The following TTN variants were observed in gnomAD, a reference collection of about 807,000 sequenced individuals.
The protein encoded by TTN is titin, also known as connectin.
In TTN, 1,525 loss-of-function variants were observed where a neutral mutation model predicts 3,223.0. The ratio of observed to expected loss-of-function variants is 0.47; its 90% confidence interval spans 0.45 to 0.49. The LOEUF is 0.49. Among genes scored for constraint, TTN ranks in the 20% least tolerant of loss-of-function variants. The probability of loss-of-function intolerance (pLI) is 0.00; values close to 1 mark genes in which losing one functional copy is unlikely to be tolerated. For missense variants in TTN, 40,786 were observed against 43,424.0 expected, an observed-to-expected ratio of 0.94 and a Z score of 5.40; for synonymous variants, 14,094 against 15,161.0, an observed-to-expected ratio of 0.93 and a Z score of 5.17.
chr2:178,764,471 A>G (rs2089999811), intron 42 of TTN, 56 bp downstream of exon 42: 3 of 1,613,260 alleles, frequency 1.9e-6, no homozygotes, highest in Non-Finnish European at 2.5e-6. Flanking sequence ...CTGGGAAAGG[A>G]CAAAAGCCTG....
intron 241 of TTN, 130 bp downstream of exon 241, chr2:178,625,143 A>C (rs191829454): frequency 1.5e-6 from 2 of 1,326,252 alleles, no homozygotes; most frequent in East Asian, 5.3e-5. Context: ...GCTAAAAAGT[A>C]AAATCAGACT....
At position 178,594,060 on chromosome 2, in the gene TTN, C is replaced by T. The variant is rs1418076473; in HGVS notation, c.58333G>A (p.Glu19445Lys). Residue 19445 changes from glutamate to lysine, a missense_variant, in exon 297 of 363, where the codon GAG (glutamate) becomes AAG (lysine). Coordinates refer to ENST00000589042, the MANE Select transcript of TTN (RefSeq NM_001267550.2). ...IKTTPATLALEKIKAKRSDSG... is the reference protein window; with the variant it reads ...IKTTPATLALKKIKAKRSDSG... ...TCTGAACGTTTGGCCTTGATCTTCT[C>T]TAAAGCAAGTGTTGCTGGTGTAGTC... The T allele has an allele frequency of 4.3e-6, 7 of 1,613,522 alleles. No homozygotes were observed. Among genetic ancestry groups the T allele is most frequent in the Non-Finnish European group, 5.9e-6 (7 of 1,179,654 alleles).
Position 178,705,196 on chromosome 2 carries a change from T to A in TTN, c.29582A>T (p.Gln9861Leu). The part of the protein sequence containing the change: ...LQAFELLKQS[Q>L]EEETHRLEIE... ...TACCAGTCTATGTGTCTCTTCTTCT[T>A]GGCTTTGCTTGAGCAGTTCAAATGC... is the stretch of plus-strand genomic sequence containing the variant. The change falls in exon 103 of 363, where the codon CAA (glutamine) becomes CTA (leucine). Residue 9861 changes from glutamine to leucine, a missense_variant. By Grantham distance (113) the Gln-to-Leu change is moderately radical (BLOSUM62 -2). Coordinates refer to ENST00000589042, the MANE Select transcript of TTN (RefSeq NM_001267550.2). 6.2e-7 allele frequency: 1 copy of A among 1,613,564 alleles called. No individual in the cohort carries two copies.
At position 178,740,489 on chromosome 2, in the gene TTN, T is replaced by C. The variant is rs879224470; in HGVS notation, c.12744A>G (p.Gln4248=). ...CCTCTTGCTTTTGAAGAGTCACTCT[T>C]TGCTCTCTGTTGGTGTCAGATACTG... is the stretch of plus-strand genomic sequence containing the variant. ...EKTVSDTNRE[Q]RVTLQKQEAQ... The change falls in exon 48 of 363, where the codon CAA becomes CAG. Residue 4248 remains glutamine, a synonymous_variant. Coordinates refer to ENST00000589042, the MANE Select transcript of TTN (RefSeq NM_001267550.2). 1.9e-6 allele frequency: 3 copies of C among 1,613,696 alleles called. No homozygotes were observed. In the South Asian group the frequency reaches 3.3e-5, roughly 18 times the overall value.
rs779834438 is a variant in TTN at position 178,629,344 on chromosome 2, A to C, written c.44381T>G (p.Val14794Gly). Residue 14794 changes from valine to glycine, a missense_variant, in exon 240 of 363, where the codon GTG (valine) becomes GGG (glycine). By Grantham distance (109) the Val-to-Gly change is moderately radical (BLOSUM62 -3). Coordinates refer to ENST00000589042, the MANE Select transcript of TTN (RefSeq NM_001267550.2). ...DCELSYEDIP[V>G]EWYLKGKKLE... is the part of the protein sequence containing the mutation. ...TTTCTTCCCTTTGAGATACCATTCC[A>C]CTGGGATATCTTCGTAGGAGAGCTC... The C allele has an allele frequency of 2.5e-6, 4 of 1,612,884 alleles. No individual in the cohort carries two copies. In the South Asian group the frequency reaches 4.4e-5, roughly 18 times the overall value.
Position 178,617,435 on chromosome 2 carries a change from G to A in TTN, c.47650C>T (p.Leu15884=). Residue 15884 remains leucine, a synonymous_variant, in exon 254 of 363, where the codon CTG becomes TTG. Transcript: ENST00000589042. ...SSVQLKWEPP[L]KDGGSPILGY... is the part of the protein sequence containing the mutation. ...AATATTGGGCTTCCTCCATCTTTCA[G>A]AGGAGGTTCCCATTTGAGCTGAACT... The A allele has an allele frequency of 6.3e-7, 1 of 1,596,416 alleles. No homozygotes were observed. Among genetic ancestry groups the A allele is most frequent in the Non-Finnish European group, 8.5e-7 (1 of 1,174,548 alleles).
At position 178,533,281 on chromosome 2, in the gene TTN, G is replaced by A. The variant is rs778587344; in HGVS notation, c.103334C>T (p.Thr34445Ile). ...RVTATNTAGS[T>I]SCQAHLQVER... is the part of the protein sequence containing the mutation. ...CACTTGTAGGTGAGCCTGGCAGCTG[G>A]TGGACCCAGCTGTGTTAGTGGCTGT... is the stretch of plus-strand genomic sequence containing the variant. The change falls in exon 358 of 363, where the codon ACC becomes ATC. Residue 34445 changes from threonine to isoleucine, a missense_variant. By Grantham distance (89) the Thr-to-Ile change is moderately conservative. Transcript: ENST00000589042. The A allele has an allele frequency of 1.9e-6, 3 of 1,613,844 alleles. No homozygotes were observed. Among genetic ancestry groups the A allele is most frequent in the Admixed American group, 1.7e-5 (1 of 59,998 alleles).
In TTN at chr2:178,557,314, A is replaced by G. The variant is rs1701891398; in HGVS notation, c.87948T>C (p.Asn29316=). 2.5e-6 allele frequency: 4 copies of G among 1,613,932 alleles called. No individual in the cohort carries two copies. Among genetic ancestry groups the G allele is most frequent in the Non-Finnish European group, 2.5e-6 (3 of 1,179,864 alleles). The change falls in exon 329 of 363, where the codon AAT becomes AAC. Residue 29316 remains asparagine, a synonymous_variant. Transcript: ENST00000589042. The part of the protein sequence containing the change: ...LIYEFRVYAE[N]AAGVGKPSHP... ...GGCTAGGTTTTCCAACTCCAGCAGC[A>G]TTTTCTGCATACACCCTGAATTCAT... is the stretch of plus-strand genomic sequence containing the variant.
chr2:178,613,517 G>A (rs1256434582), intron 263 of TTN, among the ~76,000 whole-genome samples: 1 of 151,706 alleles, frequency 6.6e-6, no homozygotes, highest in African/African-American at 2.4e-5. Flanking sequence ...AATATACTGG[G>A]GGATCAAACA....
At position 178,751,146 on chromosome 2, in the gene TTN, A is replaced by T. The variant is rs144209883; in HGVS notation, c.11311+1978T>A. On this transcript the variant is annotated intron_variant, in intron 47 of 362. Coordinates refer to ENST00000589042, the MANE Select transcript of TTN (RefSeq NM_001267550.2). ...TAACTTTCAGCTAGATCAGACATAG[A>T]TCTGATTTTCATGTCCTCTCTAGAG... is the stretch of plus-strand genomic sequence containing the variant. 1.7e-4 allele frequency: 272 copies of T among 1,612,716 alleles called. No individual in the cohort carries two copies. The African/African-American group carries it at 3.3e-3, about 20-fold the overall frequency.
At chr2:178,784,045 T>A in intron 16 of TTN, 25 bp downstream of exon 16, 1 of 1,611,938 alleles carries the variant, frequency 6.2e-7, no homozygotes, top group Non-Finnish European at 8.5e-7. Flanking sequence ...GTGGACCATG[T>A]AACAGCGGGT....
Position 178,779,073 on chromosome 2 carries a change from A to G in TTN, c.4009T>C (p.Tyr1337His). 1 of 1,613,972 alleles carries G rather than the reference A, an allele frequency of 6.2e-7. No individual in the cohort carries two copies. The highest frequency in any genetic ancestry group is 8.5e-7 in the Non-Finnish European group (1 of 1,179,948). ...DGKRIKHGERYQMDFLQDGRA... is the reference protein window; with the variant it reads ...DGKRIKHGERHQMDFLQDGRA... ...CCATCTTGTAGAAAGTCCATTTGGT[A>G]TCTTTCTCCATGTTTGATGCGCTTG... The change falls in exon 24 of 363, where the codon TAC becomes CAC. Residue 1337 changes from tyrosine (Y) to histidine (H), a missense_variant. Transcript: ENST00000589042.
At chr2:178,546,938 A>C (rs2288327) in intron 340 of TTN, 33 bp from the exon 341 acceptor site, 1 of 1,573,836 alleles carries the variant, frequency 6.4e-7, no homozygotes, top group Non-Finnish European at 8.6e-7. Context: ...GTTAAAATAT[A>C]CCACTCTGAG....
intron 45 of TTN, among the ~76,000 whole-genome samples, chr2:178,757,175 C>CTTGCT (rs879685966): frequency 0.034 from 4,978 of 145,904 alleles, 593 homozygotes; most frequent in African/African-American, 0.042. Context: ...TAATACTGTA[C>CTTGCT]TTACTTTAAG....
At position 178,547,758 on chromosome 2, in the gene TTN, G is replaced by A. The variant is rs557737090; in HGVS notation, c.93868C>T (p.Leu31290=). 160 of 1,613,914 alleles carry A rather than the reference G, an allele frequency of 9.9e-5. No individual in the cohort carries two copies. In the South Asian group the frequency reaches 1.2e-3, roughly 12 times the overall value. The part of the protein sequence containing the change: ...RGDSGRYFLT[L]ENTAGVKTFS... ...GTTTTAACACCAGCTGTATTTTCCAGGGTCAAGAAGTATCTTCCAGAGTCA... is the reference window on the plus strand; with the variant it reads ...GTTTTAACACCAGCTGTATTTTCCAAGGTCAAGAAGTATCTTCCAGAGTCA... Residue 31290 remains leucine (L), a synonymous_variant, in exon 339 of 363, where the codon CTG becomes TTG. Coordinates refer to ENST00000589042, the MANE Select transcript of TTN (RefSeq NM_001267550.2).
Position 178,679,977 on chromosome 2 carries a change from A to G in TTN, c.33497T>C (p.Leu11166Pro). ...AATGTACTCTTCTTCTTCTTCTACA[A>G]GATATTCTTCTACATGGGTTACAAC... ...EEVVTHVEEY[L>P]VEEEEEYIHE... Residue 11166 changes from leucine to proline, a missense_variant, in exon 140 of 363, where the codon CTT (leucine) becomes CCT (proline). Leu to Pro is a moderately conservative substitution (Grantham distance 98, BLOSUM62 -3). Transcript: ENST00000589042. 6.2e-7 allele frequency: 1 copy of G among 1,613,150 alleles called. No individual in the cohort carries two copies. The highest frequency in any genetic ancestry group is 1.3e-5 in the African/African-American group (1 of 74,962).
Position 178,720,910 on chromosome 2 carries a change from G to C in TTN, c.23098+11C>G. 1 of 1,565,752 alleles carries C rather than the reference G, an allele frequency of 6.4e-7. No individual in the cohort carries two copies. The highest frequency in any genetic ancestry group is 8.7e-7 in the Non-Finnish European group (1 of 1,152,972). ...GAGAATAAAGAAACAAAGAAGCTTA[G>C]TGTGTCTAACCTTTCACTGTCAACG... On this transcript the variant is annotated intron_variant, in intron 79 of 362. Transcript: ENST00000589042.
At position 178,542,485 on chromosome 2, in the gene TTN, G is replaced by C; in HGVS notation, c.97271C>G (p.Pro32424Arg). The change falls in exon 349 of 363, where the codon CCT becomes CGT. Residue 32424 changes from proline to arginine, a missense_variant. Transcript: ENST00000589042. ...ATSITISWEP[P>R]ELDGGAPLSG... ...CAGTGGAGCACCACCGTCCAATTCA[G>C]GTGGTTCCCAGGAAATGGTAATTGA... The C allele has an allele frequency of 6.2e-7, 1 of 1,613,036 alleles. No individual in the cohort carries two copies. The highest frequency in any genetic ancestry group is 8.5e-7 in the Non-Finnish European group (1 of 1,179,202).
intron 82 of TTN, 50 bp downstream of exon 82, chr2:178,719,504 C>G (rs2078015799): frequency 6.3e-7 from 1 of 1,588,768 alleles, no homozygotes; most frequent in African/African-American, 1.3e-5. Flanking sequence ...TTCTGTGCCC[C>G]TCCACCCCCT....
Sources: allele counts gnomAD v4.1 joint callset (sites outside exome capture counted in the v4.1 genomes callset), GRCh38; gene constraint gnomAD v4.1.1; transcripts MANE v1.5; gene names NCBI Gene and HGNC (gene_info 2026-07-23, HGNC 2026-07-21).